Variants in KHDRBS2 observed in about 807,000 individuals in gnomAD.
KHDRBS2 encodes KH domain-containing, RNA-binding, signal transduction-associated protein 2.
KHDRBS2 carries 26 observed loss-of-function variants against 44.3 expected under a neutral mutation model. The observed-to-expected ratio is 0.59, with a 90% CI of 0.43 to 0.81. The LOEUF is 0.81. Ranked by LOEUF, KHDRBS2 falls within the 40% of genes least tolerant of loss-of-function variation. KHDRBS2 has a pLI of 0.00. For missense variants in KHDRBS2, 476 were observed against 433.1 expected (o/e 1.10, Z -0.88); for synonymous variants, 194 against 151.1 (o/e 1.28, Z -2.08).
At chr6:61,631,010 A>G in the KHDRBS2 span, among the ~76,000 whole-genome samples, 1 of 152,152 alleles carries the variant, frequency 6.6e-6, no homozygotes, top group African/African-American at 2.4e-5. Flanking sequence ...TCTTTGAAGA[A>G]TACCTGATCT....
chr6:62,077,560 C>G (rs1584549606), intron 2 of KHDRBS2, among the ~76,000 whole-genome samples: 1 of 151,952 alleles, frequency 6.6e-6, no homozygotes, highest in African/African-American at 2.4e-5. Flanking sequence ...AAGATAGGAG[C>G]CTTTTGTTGG....
At chr6:61,770,231 G>A (rs569482828) in intron 6 of KHDRBS2, among the ~76,000 whole-genome samples, 4 of 152,180 alleles carry the variant, frequency 2.6e-5, no homozygotes, top group Non-Finnish European at 4.4e-5. Context: ...CCACAAAGAT[G>A]GGAAAAAAAC....
chr6:62,136,845 A>T (rs1293131752), intron 2 of KHDRBS2, among the ~76,000 whole-genome samples: 1 of 152,160 alleles, frequency 6.6e-6, no homozygotes, highest in African/African-American at 2.4e-5. Flanking sequence ...CTCTTTGTTG[A>T]CATAAGTAAG....
chr6:61,883,283 G>T (rs141947131), intron 6 of KHDRBS2, among the ~76,000 whole-genome samples: 1 of 151,952 alleles, frequency 6.6e-6, no homozygotes, highest in Non-Finnish European at 1.5e-5. Flanking sequence ...TGTCCTCCCC[G>T]TGTCTACAGC....
rs1819298626 is a variant in KHDRBS2 at position 62,169,053 on chromosome 6, A to ATATATATG, written c.219+8131_219+8132insCATATATA. Among the ~76,000 whole-genome samples the ATATATATG allele has an allele frequency of 3.5e-5, 5 of 141,766 alleles. No homozygotes were observed. The South Asian group carries it at 1.1e-3, about 31-fold the overall frequency. The allele number at this position is 141,766 out of a possible 152,430, so 93.0% of individuals were successfully genotyped here. A position where few individuals can be genotyped will look rare whatever the true frequency, so the allele number is the denominator to read the frequency against. On this transcript the variant is annotated intron_variant, in intron 2 of 8. Transcript: ENST00000281156. ...TCCAGTCATATATATATATATATAT[A>ATATATATG]TATATATATGTATACATGAATATAA...
chr6:62,097,924 C>A lies in KHDRBS2; in HGVS notation c.220-49930G>T, dbSNP rs188273903. On this transcript the variant is annotated intron_variant, in intron 2 of 8. Coordinates refer to ENST00000281156, the MANE Select transcript of KHDRBS2 (RefSeq NM_152688.4). Reference sequence around the variant, plus strand: ...TGCTTTGTGGTTATCATAAGTCTTACCAAAACATCTTGGATTTATAACAAG... The same window carrying A: ...TGCTTTGTGGTTATCATAAGTCTTAACAAAACATCTTGGATTTATAACAAG... 1.1e-4 allele frequency among the ~76,000 whole-genome samples: 17 copies of A among 151,986 alleles called. No individual in the cohort carries two copies. The East Asian group carries it at 3.3e-3, about 29-fold the overall frequency.
the KHDRBS2 span, among the ~76,000 whole-genome samples, chr6:61,660,262 A>G: frequency 1.3e-5 from 2 of 151,802 alleles, no homozygotes; most frequent in Non-Finnish European, 2.9e-5. Flanking sequence ...TTAAGTATGG[A>G]TCAGATTCAA....
chr6:61,771,294 C>A (rs568249063), intron 6 of KHDRBS2, among the ~76,000 whole-genome samples: 1 of 152,228 alleles, frequency 6.6e-6, no homozygotes, highest in Admixed American at 6.5e-5. Context: ...AGCAAAATAA[C>A]CAGCTAACAT....
intron 1 of KHDRBS2, among the ~76,000 whole-genome samples, chr6:62,266,730 G>A (rs1839262925): frequency 6.6e-6 from 1 of 151,880 alleles, no homozygotes; most frequent in African/African-American, 2.4e-5. Context: ...GCAAACCTGA[G>A]ATACATATTT....
intron 2 of KHDRBS2, among the ~76,000 whole-genome samples, chr6:62,062,062 C>T (rs1792074515): frequency 6.6e-6 from 1 of 151,290 alleles, no homozygotes; most frequent in Non-Finnish European, 1.5e-5. Flanking sequence ...GGGATCAATT[C>T]AACAAGAAGA....
At chr6:61,803,436 A>G (rs1786610219) in intron 6 of KHDRBS2, among the ~76,000 whole-genome samples, 1 of 152,142 alleles carries the variant, frequency 6.6e-6, no homozygotes, top group African/African-American at 2.4e-5. Flanking sequence ...ACTCTTATAT[A>G]TTTGTATACT....
chr6:61,865,192 C>A (rs1285996522), intron 6 of KHDRBS2, among the ~76,000 whole-genome samples: 1 of 152,148 alleles, frequency 6.6e-6, no homozygotes, highest in Non-Finnish European at 1.5e-5. Context: ...TGATTCTTAG[C>A]ATCCTTGTAT....
At chr6:61,587,932 A>G in the KHDRBS2 span, among the ~76,000 whole-genome samples, 2 of 152,130 alleles carry the variant, frequency 1.3e-5, no homozygotes, top group Admixed American at 1.3e-4. Context: ...TATGCATTCA[A>G]ATCTGTGCTT....
the KHDRBS2 span, among the ~76,000 whole-genome samples, chr6:61,610,586 T>C: frequency 1.3e-5 from 2 of 152,096 alleles, no homozygotes; most frequent in African/African-American, 4.8e-5. Context: ...TGGCTGCAGG[T>C]CTTAGTTCCT....
intron 2 of KHDRBS2, among the ~76,000 whole-genome samples, chr6:62,070,348 T>C (rs1195773417): frequency 6.7e-6 from 1 of 148,840 alleles, no homozygotes; most frequent in Non-Finnish European, 1.5e-5. Context: ...TTTTTTTTTC[T>C]TTTATTATAC....
At chr6:62,062,711 T>G (rs1792304594) in intron 2 of KHDRBS2, among the ~76,000 whole-genome samples, 1 of 146,598 alleles carries the variant, frequency 6.8e-6, no homozygotes, top group Non-Finnish European at 1.5e-5. Flanking sequence ...ACATCACAAT[T>G]AAAAGAACTA....
chr6:61,940,279 C>T (rs967120136), intron 4 of KHDRBS2, among the ~76,000 whole-genome samples: 7 of 151,840 alleles, frequency 4.6e-5, no homozygotes, highest in Non-Finnish European at 1.0e-4. Context: ...CATTAAAAAC[C>T]TATATGGAAC....
intron 6 of KHDRBS2, among the ~76,000 whole-genome samples, chr6:61,869,186 G>A (rs1208665535): frequency 6.6e-6 from 1 of 152,156 alleles, no homozygotes; most frequent in East Asian, 1.9e-4. Context: ...CTCAGTGTGA[G>A]TATCTGGGCA....
At chr6:62,095,200 A>C (rs1205677872) in intron 2 of KHDRBS2, among the ~76,000 whole-genome samples, 1 of 151,868 alleles carries the variant, frequency 6.6e-6, no homozygotes, top group East Asian at 1.9e-4. Context: ...CTTTCACAAT[A>C]GCTATGAAAT....
Sources: allele counts gnomAD v4.1 joint callset (sites outside exome capture counted in the v4.1 genomes callset), GRCh38; gene constraint gnomAD v4.1.1; transcripts MANE v1.5; gene names NCBI Gene and HGNC (gene_info 2026-07-23, HGNC 2026-07-21).